Variants in SDK1 observed in about 807,000 individuals in gnomAD.
The protein encoded by SDK1 is sidekick cell adhesion molecule 1.
In SDK1, 157 loss-of-function variants were observed where a neutral mutation model predicts 245.5. The observed-to-expected ratio is 0.64, with a 90% CI of 0.56 to 0.73. SDK1 has a LOEUF of 0.73. Ranked by LOEUF, SDK1 falls within the 30% of genes least tolerant of loss-of-function variation. The pLI is 0.00. For missense variants in SDK1, 3,583 were observed against 3,002.3 expected, an observed-to-expected ratio of 1.19 and a Z score of -4.52; for synonymous variants, 1,647 against 1,278.5, an observed-to-expected ratio of 1.29 and a Z score of -6.15.
At chr7:3,562,059 A>G (rs1000507773) in intron 1 of SDK1, among the ~76,000 whole-genome samples, 9 of 152,202 alleles carry the variant, frequency 5.9e-5, no homozygotes, top group African/African-American at 1.9e-4. Flanking sequence ...CTGTGTGTAC[A>G]TAGTTGATCT....
At chr7:4,138,145 A>G (rs1489694045) in intron 28 of SDK1, among the ~76,000 whole-genome samples, 1 of 152,210 alleles carries the variant, frequency 6.6e-6, no homozygotes, top group South Asian at 2.1e-4. Flanking sequence ...AGAGAGAAGA[A>G]GAACCCAGAT....
intron 14 of SDK1, among the ~76,000 whole-genome samples, chr7:3,993,824 C>T (rs753268616): frequency 6.6e-6 from 1 of 152,144 alleles, no homozygotes; most frequent in Non-Finnish European, 1.5e-5. Context: ...TCACTTCTCA[C>T]GCATTCTATC....
chr7:4,214,578 C>A (rs150392529), intron 38 of SDK1, among the ~76,000 whole-genome samples: 149 of 152,272 alleles, frequency 9.8e-4, no homozygotes, highest in African/African-American at 3.5e-3. Flanking sequence ...GGCTGAGGGG[C>A]GGCCAGGATC....
intron 1 of SDK1, among the ~76,000 whole-genome samples, chr7:3,494,310 G>C (rs1781954821): frequency 6.6e-6 from 1 of 152,148 alleles, no homozygotes; most frequent in Non-Finnish European, 1.5e-5. Flanking sequence ...GGTAGAGCAG[G>C]TCATTAGAAA....
chr7:4,086,635 A>G (rs1312611876), intron 22 of SDK1, among the ~76,000 whole-genome samples: 1 of 151,444 alleles, frequency 6.6e-6, no homozygotes, highest in Non-Finnish European at 1.5e-5. Context: ...CTTCCTTCTC[A>G]TCTCTCTGGC....
chr7:4,035,177 G>A (rs548553450), intron 17 of SDK1, among the ~76,000 whole-genome samples: 2 of 151,720 alleles, frequency 1.3e-5, no homozygotes, highest in East Asian at 3.9e-4. Flanking sequence ...TAGAGATGGG[G>A]TTTCACCATG....
intron 1 of SDK1, among the ~76,000 whole-genome samples, chr7:3,336,174 C>G (rs181342894): frequency 6.6e-6 from 1 of 152,222 alleles, no homozygotes; most frequent in African/African-American, 2.4e-5. Flanking sequence ...TCCAGCTAAA[C>G]CAAGGAAACT....
intron 38 of SDK1, among the ~76,000 whole-genome samples, chr7:4,211,085 A>G (rs1784487209): frequency 6.6e-6 from 1 of 152,160 alleles, no homozygotes; most frequent in Non-Finnish European, 1.5e-5. Flanking sequence ...ATCCCACTGG[A>G]GAGTGACACA....
In SDK1 at chr7:4,265,420, G is replaced by A. The variant is rs994801320; in HGVS notation, c.*36G>A. ...GCGCCTCCCTCAGGGCGGAACGGAG[G>A]CAACTTTCCGGAGTCTATTTTTGTT... On this transcript the variant is annotated 3_prime_UTR_variant, in exon 45 of 45. Coordinates refer to ENST00000404826, the MANE Select transcript of SDK1 (RefSeq NM_152744.4). The A allele has an allele frequency of 7.1e-7, 1 of 1,405,758 alleles. No individual in the cohort carries two copies. The highest frequency in any genetic ancestry group is 3.3e-5 in the Admixed American group (1 of 30,314). 87.1% of individuals were successfully genotyped at this position (1,405,758 alleles called of 1,614,324 possible).
intron 1 of SDK1, among the ~76,000 whole-genome samples, chr7:3,590,512 A>G (rs1356143487): frequency 6.6e-6 from 1 of 152,204 alleles, no homozygotes; most frequent in Non-Finnish European, 1.5e-5. Context: ...CAAAATGTGA[A>G]TGCTAATAAG....
chr7:3,996,141 A>G (rs551516466), intron 14 of SDK1, among the ~76,000 whole-genome samples: 50 of 152,238 alleles, frequency 3.3e-4, no homozygotes, highest in Middle Eastern at 3.4e-3. Context: ...CATTTTCCCA[A>G]CATGATTTAT....
At chr7:3,329,319 G>A (rs1011229096) in intron 1 of SDK1, among the ~76,000 whole-genome samples, 2 of 151,984 alleles carry the variant, frequency 1.3e-5, no homozygotes, top group South Asian at 4.2e-4. Flanking sequence ...GATCTCCTTG[G>A]GAGGAAACAA....
At chr7:3,658,893 C>T (rs1783271264) in intron 4 of SDK1, among the ~76,000 whole-genome samples, 1 of 152,184 alleles carries the variant, frequency 6.6e-6, no homozygotes, top group African/African-American at 2.4e-5. Context: ...GCTGGGATTA[C>T]AGGTGTGAGC....
intron 44 of SDK1, 74 bp from the exon 45 acceptor site, chr7:4,265,050 C>G (rs1302573096): frequency 1.3e-6 from 2 of 1,551,930 alleles, no homozygotes. Flanking sequence ...CCCCCACCGC[C>G]AGGCCTCCTG....
intron 4 of SDK1, among the ~76,000 whole-genome samples, chr7:3,796,777 G>C (rs1265052624): frequency 6.6e-6 from 1 of 152,154 alleles, no homozygotes; most frequent in African/African-American, 2.4e-5. Flanking sequence ...AAATGAATGT[G>C]TTGTTTGCTG....
intron 4 of SDK1, among the ~76,000 whole-genome samples, chr7:3,741,977 T>TTGTAG (rs1186313609): frequency 7.5e-6 from 1 of 133,680 alleles, no homozygotes; most frequent in Non-Finnish European, 1.5e-5. Context: ...TGTTCCCATA[T>TTGTAG]TGTAGTGTGC....
intron 12 of SDK1, among the ~76,000 whole-genome samples, chr7:3,974,007 C>G (rs2128133954): frequency 6.6e-6 from 1 of 151,258 alleles, no homozygotes; most frequent in Non-Finnish European, 1.5e-5. Context: ...CATGGCAAAA[C>G]CTCATCTCTA....
At chr7:3,790,644 T>A (rs1376487190) in intron 4 of SDK1, among the ~76,000 whole-genome samples, 3 of 152,122 alleles carry the variant, frequency 2.0e-5, no homozygotes, top group Non-Finnish European at 4.4e-5. Context: ...CCCATCTCAC[T>A]AAAAATACAA....
chr7:3,466,922 T>C (rs1488124247), intron 1 of SDK1, among the ~76,000 whole-genome samples: 1 of 151,422 alleles, frequency 6.6e-6, no homozygotes, highest in African/African-American at 2.4e-5. Flanking sequence ...ACCATCCAAT[T>C]CTTTTTCCTT....
Sources: allele counts gnomAD v4.1 joint callset (sites outside exome capture counted in the v4.1 genomes callset), GRCh38; gene constraint gnomAD v4.1.1; transcripts MANE v1.5; gene names NCBI Gene and HGNC (gene_info 2026-07-23, HGNC 2026-07-21).